The following ZNF8 variants were observed in gnomAD, a reference collection of about 807,000 sequenced individuals.
ZNF8 encodes the protein zinc finger protein 8.
ZNF8 carries 9 observed loss-of-function variants against 12.2 expected under a neutral mutation model. That is an observed-to-expected ratio of 0.73 (90% CI 0.44 to 1.28). The LOEUF (loss-of-function observed/expected upper bound fraction) is 1.28, where lower values mean the gene tolerates loss of function less well. ZNF8 is among the 50% of genes most tolerant of loss of function. The probability of loss-of-function intolerance (pLI) is 0.00; values close to 1 mark genes in which losing one functional copy is unlikely to be tolerated. For synonymous variants in ZNF8, 274 were observed against 282.3 expected (o/e 0.97, Z 0.30); for missense variants, 664 against 729.1 (o/e 0.91, Z 1.03).
At chr19:58,292,828 A>C (rs2051428224) in intron 3 of ZNF8, among the ~76,000 whole-genome samples, 1 of 152,072 alleles carries the variant, frequency 6.6e-6, no homozygotes, top group Non-Finnish European at 1.5e-5. Context: ...GTTGAGGGGC[A>C]TTTGGGTTGT....
intron 3 of ZNF8, among the ~76,000 whole-genome samples, chr19:58,290,556 G>A (rs1313475530): frequency 6.6e-6 from 1 of 151,936 alleles, no homozygotes; most frequent in Non-Finnish European, 1.5e-5. Context: ...TTATTTTTAA[G>A]GAAAAGAAGC....
At chr19:58,285,611 T>G (rs1403279399) in intron 1 of ZNF8, 106 bp from the exon 2 acceptor site, 2 of 1,520,624 alleles carry the variant, frequency 1.3e-6, no homozygotes, top group Non-Finnish European at 1.8e-6. Context: ...TAACGTGCAG[T>G]CTCTCGTGAC....
chr19:58,294,526 C>A lies in ZNF8; in HGVS notation c.718C>A (p.Gln240Lys). The A allele has an allele frequency of 6.2e-7, 1 of 1,614,194 alleles. No individual in the cohort carries two copies. Reference protein sequence around the residue: ...ENSDCHRDSSQAIPITELTKS... With the variant: ...ENSDCHRDSSKAIPITELTKS... ...CAGTGACTGTCACAGAGATTCCAGT[C>A]AGGCCATTCCAATTACGGAACTCAC... is the stretch of plus-strand genomic sequence containing the variant. The change falls in exon 4 of 4, where the codon CAG becomes AAG. Residue 240 changes from glutamine to lysine, a missense_variant. Transcript: ENST00000621650. The surrounding 1 kb of genome is among the most constrained non-coding windows in gnomAD (Gnocchi z 5.5).
rs140906628 is a variant in ZNF8 at position 58,294,493 on chromosome 19, G to T, written c.685G>T (p.Gly229Cys). 6.2e-7 allele frequency: 1 copy of T among 1,614,094 alleles called. No homozygotes were observed. Among genetic ancestry groups the T allele is most frequent in the Non-Finnish European group, 8.5e-7 (1 of 1,180,030 alleles). Residue 229 changes from glycine (G) to cysteine (C), a missense_variant, in exon 4 of 4, where the codon GGT becomes TGT. Physicochemically the swap from Gly to Cys is radical, Grantham distance 159. Transcript: ENST00000621650. This position sits in a 1 kb window ranked among gnomAD's most constrained non-coding sequence, Gnocchi z 5.5. ...QQTGSPGKQPGENSDCHRDSS... is the reference protein window; with the variant it reads ...QQTGSPGKQPCENSDCHRDSS... Reference sequence around the variant, plus strand: ...GACAGGCTCCCCAGGAAAACAGCCCGGTGAAAACAGTGACTGTCACAGAGA... The same window carrying T: ...GACAGGCTCCCCAGGAAAACAGCCCTGTGAAAACAGTGACTGTCACAGAGA...
chr19:58,283,725 A>G (rs1047488577), intron 1 of ZNF8, among the ~76,000 whole-genome samples: 6 of 146,292 alleles, frequency 4.1e-5, no homozygotes, highest in Middle Eastern at 7.7e-3. Flanking sequence ...TCAGCCTCCC[A>G]TGTAGCTGGA....
intron 1 of ZNF8, among the ~76,000 whole-genome samples, chr19:58,282,230 A>G (rs12986027): frequency 0.3 from 45,994 of 152,190 alleles, 8,211 homozygotes; most frequent in Middle Eastern, 0.45. Flanking sequence ...ATGACTAATG[A>G]TGTTGAACAT....
At chr19:58,291,180 C>T (rs546173845) in intron 3 of ZNF8, among the ~76,000 whole-genome samples, 2 of 152,302 alleles carry the variant, frequency 1.3e-5, no homozygotes, top group East Asian at 1.9e-4. Flanking sequence ...CTTACTGGTT[C>T]CCTCTTGCGG....
chr19:58,285,848 G>A lies in ZNF8; in HGVS notation c.193+5G>A. On this transcript the variant is annotated splice_donor_5th_base_variant and intron_variant, in intron 2 of 3. Coordinates refer to ENST00000621650, the MANE Select transcript of ZNF8 (RefSeq NM_021089.3). ...TTGGTCACCTGCTCTCCATAGGTAA[G>A]CCCTGCTTCGCAAGGTGTGATAGCT... 2 of 1,603,804 alleles carry A rather than the reference G, an allele frequency of 1.2e-6. No homozygotes were observed. The highest frequency in any genetic ancestry group is 8.5e-7 in the Non-Finnish European group (1 of 1,174,448).
rs763197582 is a variant in ZNF8, at chr19:58,295,221, G to C, written c.1413G>C (p.Gln471His). 6.2e-7 allele frequency: 1 copy of C among 1,614,214 alleles called. No individual in the cohort carries two copies. Among genetic ancestry groups the C allele is most frequent in the Admixed American group, 1.7e-5 (1 of 60,026 alleles). Residue 471 changes from glutamine (Q) to histidine (H), a missense_variant, in exon 4 of 4, where the codon CAG becomes CAC. This residue lies in a region of ZNF8 where 225 missense variants were observed against 222.0 expected (regional missense o/e 1.01). Transcript: ENST00000621650. ...GCGACAGACCCTTCAAATGTAATCA[G>C]TGTGGGAAGTGTTTCATTCAGAGCT... ...HRSDRPFKCNQCGKCFIQSSH... is the reference protein window; with the variant it reads ...HRSDRPFKCNHCGKCFIQSSH...
intron 3 of ZNF8, among the ~76,000 whole-genome samples, chr19:58,288,365 C>T (rs772921246): frequency 4.6e-5 from 7 of 152,252 alleles, no homozygotes; most frequent in African/African-American, 7.2e-5. Context: ...GTGATTTTCC[C>T]AGGCTGTCCT....
intron 3 of ZNF8, among the ~76,000 whole-genome samples, chr19:58,288,938 G>GT (rs140808420): frequency 0.012 from 1,885 of 152,228 alleles, 46 homozygotes; most frequent in African/African-American, 0.041. Flanking sequence ...TCACTCACAA[G>GT]TCTTATGCCA....
chr19:58,295,148 C>G lies in ZNF8; in HGVS notation c.1340C>G (p.Ala447Gly). The change falls in exon 4 of 4, where the codon GCC becomes GGC. Residue 447 changes from alanine to glycine, a missense_variant. By Grantham distance (60) the Ala-to-Gly change is moderately conservative. Transcript: ENST00000621650. ...PALTKHEWTEALGCDPPLSQD... is the reference protein window; with the variant it reads ...PALTKHEWTEGLGCDPPLSQD... ...CTCACAAAGCATGAATGGACAGAAG[C>G]CCTGGGCTGTGACCCACCTTTGAGT... The G allele has an allele frequency of 6.2e-7, 1 of 1,613,980 alleles. No homozygotes were observed. Among genetic ancestry groups the G allele is most frequent in the Non-Finnish European group, 8.5e-7 (1 of 1,180,052 alleles).
In ZNF8 at chr19:58,294,615, C is replaced by T. The variant is rs762713712; in HGVS notation, c.807C>T (p.Asn269=). Residue 269 remains asparagine (N), a synonymous_variant, in exon 4 of 4, where the codon AAC becomes AAT. Coordinates refer to ENST00000621650, the MANE Select transcript of ZNF8 (RefSeq NM_021089.3). The surrounding 1 kb of genome is among the most constrained non-coding windows in gnomAD (Gnocchi z 5.5). ...CTDCGKSFNH[N]AHLTVHKRIH... Reference sequence around the variant, plus strand: ...ACTGTGGGAAGTCGTTTAACCATAACGCACACCTCACCGTGCACAAGAGGA... The same window carrying T: ...ACTGTGGGAAGTCGTTTAACCATAATGCACACCTCACCGTGCACAAGAGGA... 5.7e-5 allele frequency: 92 copies of T among 1,613,976 alleles called. No homozygotes were observed. The highest frequency in any genetic ancestry group is 2.9e-4 in the South Asian group (26 of 91,078).
chr19:58,279,640 T>TG (rs1352731805), intron 1 of ZNF8: 1 of 1,533,886 alleles, frequency 6.5e-7, no homozygotes, highest in African/African-American at 1.4e-5. Context: ...CACAACCTCT[T>TG]GGGGGCAATG....
At chr19:58,279,946 G>A (rs916496408) in intron 1 of ZNF8, 3 of 1,031,064 alleles carry the variant, frequency 2.9e-6, no homozygotes, top group Non-Finnish European at 3.8e-6. Context: ...GGTACACAAA[G>A]TGAGACTTGA....
At chr19:58,291,808 C>T (rs2051421181) in intron 3 of ZNF8, among the ~76,000 whole-genome samples, 1 of 152,092 alleles carries the variant, frequency 6.6e-6, no homozygotes, top group South Asian at 2.1e-4. Context: ...GCACAGGGAG[C>T]AAGGTGGGCA....
rs1458528612 is a variant in ZNF8 at position 58,297,983 on chromosome 19, A to C, written c.*2447A>C. 1 of 152,154 alleles carries C rather than the reference A, an allele frequency of 6.6e-6. No individual in the cohort carries two copies. The highest frequency in any genetic ancestry group is 1.9e-4 in the East Asian group (1 of 5,194). 9.4% of individuals were successfully genotyped at this position (152,154 alleles called of 1,614,324 possible). A position where few individuals can be genotyped will look rare whatever the true frequency, so the allele number is the denominator to read the frequency against. On this transcript the variant is annotated 3_prime_UTR_variant, in exon 4 of 4. Transcript: ENST00000621650. ...CATATTCTTCTCCACTGGGAAATGCAGTAAAGAAAAAGAAAAGCTAATTTC... is the reference window on the plus strand; with the variant it reads ...CATATTCTTCTCCACTGGGAAATGCCGTAAAGAAAAAGAAAAGCTAATTTC...
At chr19:58,285,322 C>CA (rs1279907757) in intron 1 of ZNF8, among the ~76,000 whole-genome samples, 28 of 152,194 alleles carry the variant, frequency 1.8e-4, no homozygotes, top group Non-Finnish European at 4.0e-4. Context: ...CACTTTGTAT[C>CA]TAAGTATTAG....
At chr19:58,279,674 G>A (rs1166467445) in intron 1 of ZNF8, 1 of 1,532,750 alleles carries the variant, frequency 6.5e-7, no homozygotes, top group Non-Finnish European at 8.7e-7. Context: ...CACTGAGTGT[G>A]ATGAGAGTGA....
Sources: allele counts gnomAD v4.1 joint callset (sites outside exome capture counted in the v4.1 genomes callset), GRCh38; gene constraint gnomAD v4.1.1; regional missense constraint gnomAD v4.1.1; non-coding constraint Gnocchi (gnomAD v3.1); transcripts MANE v1.5; gene names NCBI Gene and HGNC (gene_info 2026-07-23, HGNC 2026-07-21).